Variants in TMPRSS15 observed in about 807,000 individuals in gnomAD.
TMPRSS15 encodes enteropeptidase.
A neutral mutation model predicts 125.3 loss-of-function variants in TMPRSS15; 128 were observed. The observed-to-expected ratio is 1.02, with a 90% CI of 0.89 to 1.18. TMPRSS15 has a LOEUF of 1.18. Among genes scored for constraint, TMPRSS15 ranks in the 50% most tolerant of loss-of-function variants. The probability of loss-of-function intolerance (pLI) is 0.00; values close to 1 mark genes in which losing one functional copy is unlikely to be tolerated. For missense variants in TMPRSS15, 1,283 were observed against 1,212.7 expected, an observed-to-expected ratio of 1.06 and a Z score of -0.86; for synonymous variants, 446 against 423.2, an observed-to-expected ratio of 1.05 and a Z score of -0.66.
intron 1 of TMPRSS15, among the ~76,000 whole-genome samples, chr21:18,437,577 C>T (rs995495591): frequency 6.6e-6 from 1 of 152,148 alleles, no homozygotes; most frequent in African/African-American, 2.4e-5. Context: ...ACTTACTCAT[C>T]TGACAAAGGG....
intron 16 of TMPRSS15, among the ~76,000 whole-genome samples, chr21:18,321,811 A>T (rs893522063): frequency 6.6e-6 from 1 of 152,192 alleles, no homozygotes; most frequent in Non-Finnish European, 1.5e-5. Context: ...GGGTATAAAA[A>T]ATCTCGACGG....
chr21:18,396,880 G>C (rs953464188), intron 3 of TMPRSS15, among the ~76,000 whole-genome samples: 3 of 149,128 alleles, frequency 2.0e-5, no homozygotes, highest in African/African-American at 7.5e-5. Flanking sequence ...GCCTGAAATA[G>C]AGATTCAACC....
At position 18,305,147 on chromosome 21, in the gene TMPRSS15, G is replaced by T. The variant is rs138585496; in HGVS notation, c.2166-7318C>A. On this transcript the variant is annotated intron_variant, in intron 18 of 24. Coordinates refer to ENST00000284885, the MANE Select transcript of TMPRSS15 (RefSeq NM_002772.3). The stretch of plus-strand genomic sequence containing the variant: ...TTACGCTAGACTTTTGGGTTCAATA[G>T]GCCAGAGGTAGGATTCCAGGATTTG... 1.9e-3 allele frequency among the ~76,000 whole-genome samples: 278 copies of T among 149,454 alleles called. 2 individuals carry two copies. The highest frequency in any genetic ancestry group is 6.6e-3 in the African/African-American group (269 of 40,824).
chr21:18,271,002 T>C (rs764166394), intron 24 of TMPRSS15, among the ~76,000 whole-genome samples: 21 of 152,226 alleles, frequency 1.4e-4, no homozygotes, highest in Non-Finnish European at 2.5e-4. Flanking sequence ...CTAGAAATTA[T>C]CCTGAGAGAC....
intron 1 of TMPRSS15, among the ~76,000 whole-genome samples, chr21:18,416,986 G>A (rs1257868104): frequency 3.9e-5 from 6 of 151,964 alleles, no homozygotes; most frequent in East Asian, 1.9e-4. Context: ...AATTAAGCAC[G>A]TCAACTTACA....
intron 3 of TMPRSS15, among the ~76,000 whole-genome samples, chr21:18,397,664 TAG>T (rs1257586102): frequency 6.6e-6 from 1 of 152,316 alleles, no homozygotes; most frequent in East Asian, 1.9e-4. Flanking sequence ...TTATTGTCAG[TAG>T]AGAGAAACAT....
chr21:18,437,732 T>A (rs1601462624), intron 1 of TMPRSS15, among the ~76,000 whole-genome samples: 1 of 152,148 alleles, frequency 6.6e-6, no homozygotes, highest in East Asian at 1.9e-4. Flanking sequence ...AAAATGCTCA[T>A]CATCACTGGC....
intron 13 of TMPRSS15, among the ~76,000 whole-genome samples, chr21:18,335,257 A>G (rs1307098705): frequency 1.3e-5 from 2 of 152,222 alleles, no homozygotes; most frequent in Non-Finnish European, 2.9e-5. Context: ...TCACAAATTT[A>G]GCAGTGGCCA....
intron 1 of TMPRSS15, among the ~76,000 whole-genome samples, chr21:18,459,336 C>G (rs1978505666): frequency 6.6e-6 from 1 of 151,586 alleles, no homozygotes; most frequent in Admixed American, 6.6e-5. Context: ...TGCAGTGGCA[C>G]TATCTTGGCT....
chr21:18,377,584 G>C (rs1189620067), intron 5 of TMPRSS15, among the ~76,000 whole-genome samples: 3 of 152,062 alleles, frequency 2.0e-5, no homozygotes, highest in African/African-American at 7.2e-5. Flanking sequence ...AAATAGGCTA[G>C]ATAGCTTGCC....
chr21:18,383,467 G>A (rs1569046734), intron 4 of TMPRSS15, among the ~76,000 whole-genome samples, 160 bp downstream of exon 4: 3 of 152,094 alleles, frequency 2.0e-5, no homozygotes, highest in Non-Finnish European at 4.4e-5. Flanking sequence ...CTTCAAATGC[G>A]GTTTCTTCAG....
chr21:18,457,663 G>C (rs1978468782), intron 1 of TMPRSS15, among the ~76,000 whole-genome samples: 1 of 152,012 alleles, frequency 6.6e-6, no homozygotes, highest in South Asian at 2.1e-4. Flanking sequence ...TAAAGCAGTT[G>C]GGCTAATAAG....
chr21:18,435,198 T>C (rs2076225196), intron 1 of TMPRSS15, among the ~76,000 whole-genome samples: 2 of 152,196 alleles, frequency 1.3e-5, no homozygotes, highest in Admixed American at 6.5e-5. Flanking sequence ...AGGGCATCCC[T>C]GTCTTGTGCC....
intron 21 of TMPRSS15, among the ~76,000 whole-genome samples, chr21:18,286,329 A>C (rs2074764060): frequency 6.6e-6 from 1 of 152,184 alleles, no homozygotes; most frequent in Non-Finnish European, 1.5e-5. Context: ...AAATACCTAC[A>C]ATATACTGAA....
chr21:18,275,297 A>AG lies in TMPRSS15; in HGVS notation c.2803dup (p.Leu935ProfsTer5). On this transcript the variant is annotated frameshift_variant, in exon 24 of 25. Coordinates refer to ENST00000284885, the MANE Select transcript of TMPRSS15 (RefSeq NM_002772.3). LOFTEE classifies it high-confidence loss of function. ...CTGTTGGCATCTCTCATTTGATAGA[A>AG]GAGGAACATCAGCTTCTTGCAATAT... 6.2e-7 allele frequency: 1 copy of AG among 1,614,086 alleles called. No homozygotes were observed. The highest frequency in any genetic ancestry group is 8.5e-7 in the Non-Finnish European group (1 of 1,179,992).
intron 3 of TMPRSS15, among the ~76,000 whole-genome samples, chr21:18,392,090 C>T (rs1216646535): frequency 6.6e-6 from 1 of 152,158 alleles, no homozygotes; most frequent in Non-Finnish European, 1.5e-5. Context: ...GGCCTCCAGG[C>T]CTGTGATGGG....
chr21:18,444,305 A>C lies in TMPRSS15; in HGVS notation c.10+41494T>G, dbSNP rs537368997. On this transcript the variant is annotated intron_variant, in intron 1 of 7. Coordinates refer to the TMPRSS15 transcript ENST00000422787. ...ACATCACGGAATACTACATAACCAT[A>C]AAAAAGGATTATTTCGTGTCCTTTA... Among the ~76,000 whole-genome samples, 6 of 152,346 alleles carry C rather than the reference A, an allele frequency of 3.9e-5. No homozygotes were observed. In the South Asian group the frequency reaches 1.2e-3, roughly 32 times the overall value.
intron 1 of TMPRSS15, among the ~76,000 whole-genome samples, chr21:18,441,152 G>A (rs987510838): frequency 1.3e-5 from 2 of 152,052 alleles, no homozygotes; most frequent in Non-Finnish European, 2.9e-5. Flanking sequence ...AATGAGCCAG[G>A]TGTGGTGGCA....
rs376582963 is a variant in TMPRSS15, at chr21:18,294,655, G to A, written c.2262-3C>T. The A allele has an allele frequency of 2.5e-6, 4 of 1,607,782 alleles. No individual in the cohort carries two copies. The East Asian group carries it at 8.9e-5, about 36-fold the overall frequency. ...AGGAATCCTGTAAACACTGTTGACT[G>A]TAATAGAAGAACAATCATATTTTTA... On this transcript the variant is annotated splice_polypyrimidine_tract_variant and splice_region_variant and intron_variant, in intron 19 of 24. Transcript: ENST00000284885.
Sources: allele counts gnomAD v4.1 joint callset (sites outside exome capture counted in the v4.1 genomes callset), GRCh38; gene constraint gnomAD v4.1.1; transcripts MANE v1.5; gene names NCBI Gene and HGNC (gene_info 2026-07-23, HGNC 2026-07-21).